MAF: variants seen among roughly 807,000 people sequenced by gnomAD.
MAF encodes the protein MAF bZIP transcription factor.
In MAF, 10 loss-of-function variants were observed where a neutral mutation model predicts 22.0. That is an observed-to-expected ratio of 0.45 (90% CI 0.28 to 0.77). MAF has a LOEUF of 0.77. Ranked by LOEUF, MAF falls within the 30% of genes least tolerant of loss-of-function variation. MAF has a pLI of 0.12. For missense variants in MAF, 544 were observed against 548.4 expected, an observed-to-expected ratio of 0.99 and a Z score of 0.08; for synonymous variants, 337 against 255.8, an observed-to-expected ratio of 1.32 and a Z score of -3.03.
chr16:79,231,833 G>A, the MAF span, among the ~76,000 whole-genome samples: 5 of 151,986 alleles, frequency 3.3e-5, no homozygotes, highest in African/African-American at 4.8e-5. Flanking sequence ...AATATATAAT[G>A]AAATAATTAT....
At chr16:79,458,124 G>GTGTC in the MAF span, among the ~76,000 whole-genome samples, 1 of 150,976 alleles carries the variant, frequency 6.6e-6, no homozygotes, top group Non-Finnish European at 1.5e-5. Flanking sequence ...GTGTGTGTGT[G>GTGTC]TGTGTGTGTG....
chr16:79,597,273 C>T (rs1194301484), intron 1 of MAF: 3 of 1,046,646 alleles, frequency 2.9e-6, no homozygotes, highest in Non-Finnish European at 3.5e-6. Flanking sequence ...TACATTTTAA[C>T]TGGGCTAACA....
the MAF span, among the ~76,000 whole-genome samples, chr16:79,260,964 C>T: frequency 6.6e-6 from 1 of 151,938 alleles, no homozygotes; most frequent in African/African-American, 2.4e-5. Context: ...CAGGCAATAC[C>T]CTGGGGTGTA....
At chr16:79,417,805 C>T in the MAF span, among the ~76,000 whole-genome samples, 1 of 152,026 alleles carries the variant, frequency 6.6e-6, no homozygotes, top group South Asian at 2.1e-4. Context: ...AAGGAGTGTC[C>T]CTCTTGAGGC....
At chr16:79,227,997 G>A in the MAF span, among the ~76,000 whole-genome samples, 3 of 152,080 alleles carry the variant, frequency 2.0e-5, no homozygotes, top group African/African-American at 7.2e-5. Context: ...TTGAACTCCT[G>A]CGCTCAAGCG....
At chr16:79,238,504 T>A in the MAF span, among the ~76,000 whole-genome samples, 1 of 152,042 alleles carries the variant, frequency 6.6e-6, no homozygotes, top group East Asian at 1.9e-4. Context: ...TGCCAAAACA[T>A]AACACTCACT....
At chr16:79,419,488 G>A in the MAF span, among the ~76,000 whole-genome samples, 91 of 152,366 alleles carry the variant, frequency 6.0e-4, no homozygotes, top group African/African-American at 2.0e-3. Flanking sequence ...CCGATGGCAA[G>A]GCAGGGAGCT....
chr16:79,503,952 C>T, the MAF span, among the ~76,000 whole-genome samples: 7 of 152,114 alleles, frequency 4.6e-5, no homozygotes, highest in Middle Eastern at 3.2e-3. Context: ...ACTATTAAAT[C>T]CATAATTTCT....
Position 79,600,452 on chromosome 16 carries a change from T to G in MAF, c.-550A>C, listed in dbSNP as rs1913970279. On this transcript the variant is annotated 5_prime_UTR_variant, in exon 1 of 2. Transcript: ENST00000326043. ...CGGGGGAGTTAACACTTCATGCTTC[T>G]CGCCTCCTCTTCTGCTTGGCTCTCT... 5.1e-6 allele frequency: 1 copy of G among 196,188 alleles called. No homozygotes were observed. Among genetic ancestry groups the G allele is most frequent in the Admixed American group, 6.3e-5 (1 of 15,920 alleles). The allele number at this position is 196,188 out of a possible 1,614,324, so 12.2% of individuals were successfully genotyped here. A position where few individuals can be genotyped will look rare whatever the true frequency, so the allele number is the denominator to read the frequency against.
chr16:79,438,179 T>G, the MAF span, among the ~76,000 whole-genome samples: 1 of 151,962 alleles, frequency 6.6e-6, no homozygotes, highest in Non-Finnish European at 1.5e-5. Context: ...AGGCCCTTTG[T>G]GGGGGGTTCC....
chr16:79,394,868 T>C, the MAF span, among the ~76,000 whole-genome samples: 1 of 152,128 alleles, frequency 6.6e-6, no homozygotes, highest in Non-Finnish European at 1.5e-5. Context: ...ACACACATTA[T>C]AAGTGTACCA....
chr16:79,429,882 A>T, the MAF span, among the ~76,000 whole-genome samples: 1 of 152,070 alleles, frequency 6.6e-6, no homozygotes, highest in African/African-American at 2.4e-5. Context: ...TGTCACCATA[A>T]TTTGTAGGTC....
At chr16:79,445,911 C>A in the MAF span, among the ~76,000 whole-genome samples, 1 of 152,150 alleles carries the variant, frequency 6.6e-6, no homozygotes, top group Non-Finnish European at 1.5e-5. Flanking sequence ...AGCAGACCAT[C>A]CTTAATAAAA....
At chr16:79,522,831 T>A in the MAF span, among the ~76,000 whole-genome samples, 4 of 152,222 alleles carry the variant, frequency 2.6e-5, no homozygotes, top group Non-Finnish European at 4.4e-5. Flanking sequence ...AGGCTGTAAA[T>A]GCTCGGAGCT....
chr16:79,550,761 G>C, the MAF span, among the ~76,000 whole-genome samples: 2 of 147,226 alleles, frequency 1.4e-5, no homozygotes, highest in Non-Finnish European at 3.1e-5. Context: ...TAGAGGAAGA[G>C]TCTCCTGAAA....
chr16:79,490,162 A>G, the MAF span, among the ~76,000 whole-genome samples: 3 of 152,358 alleles, frequency 2.0e-5, no homozygotes, highest in Non-Finnish European at 2.9e-5. Context: ...ACGATGACCC[A>G]TCAGGGAACC....
the MAF span, among the ~76,000 whole-genome samples, chr16:79,489,881 G>A: frequency 1.3e-5 from 2 of 152,150 alleles, no homozygotes; most frequent in African/African-American, 4.8e-5. Flanking sequence ...AAGAGACAAG[G>A]GTGGTCAGGG....
chr16:79,445,720 C>T, the MAF span, among the ~76,000 whole-genome samples: 1 of 152,226 alleles, frequency 6.6e-6, no homozygotes, highest in East Asian at 1.9e-4. Context: ...CAGTTTGCAT[C>T]AGACGCTCCC....
chr16:79,281,309 C>G, the MAF span, among the ~76,000 whole-genome samples: 1 of 150,102 alleles, frequency 6.7e-6, no homozygotes, highest in Non-Finnish European at 1.5e-5. Flanking sequence ...GGGGGATGAT[C>G]GTGAAAGATG....
Sources: gnomAD v4.1 joint callset for allele counts (sites outside exome capture counted in the v4.1 genomes callset) on GRCh38, gnomAD v4.1.1 for gene constraint, MANE v1.5 for transcripts, NCBI Gene and HGNC (gene_info 2026-07-23, HGNC 2026-07-21) for gene names.